The following PTPRM variants were observed in gnomAD, a reference collection of about 807,000 sequenced individuals.
PTPRM encodes receptor-type tyrosine-protein phosphatase mu.
In PTPRM, 47 loss-of-function variants were observed where a neutral mutation model predicts 186.7. The ratio of observed to expected loss-of-function variants is 0.25; its 90% CI spans 0.20 to 0.32. The LOEUF (loss-of-function observed/expected upper bound fraction) is 0.32, where lower values mean the gene tolerates loss of function less well. Among genes scored for constraint, PTPRM ranks in the 10% least tolerant of loss-of-function variants. The pLI, the probability that PTPRM is intolerant of heterozygous loss-of-function variation, is 1.00. For synonymous variants in PTPRM, 668 were observed against 674.9 expected (o/e 0.99, Z 0.16); for missense variants, 1,494 against 1,865.0 (o/e 0.80, Z 3.66).
intron 1 of PTPRM, among the ~76,000 whole-genome samples, chr18:7,770,831 T>TG (rs142360033): frequency 0.093 from 14,201 of 152,172 alleles, 1,992 homozygotes; most frequent in African/African-American, 0.3. Flanking sequence ...TTTGTTATTT[T>TG]GGGGGGGTCC....
intron 1 of PTPRM, among the ~76,000 whole-genome samples, chr18:7,579,746 A>G (rs1349964280): frequency 6.6e-6 from 1 of 152,202 alleles, no homozygotes; most frequent in African/African-American, 2.4e-5. Flanking sequence ...TTCAGGGAAG[A>G]TCATGAGACA....
chr18:7,741,343 G>A (rs1398212582), intron 1 of PTPRM: 1 of 152,150 alleles, frequency 6.6e-6, no homozygotes. Context: ...GGTGACATGC[G>A]TTTTCATTGA....
At chr18:8,083,042 G>C (rs2090224527) in intron 9 of PTPRM, among the ~76,000 whole-genome samples, 1 of 151,648 alleles carries the variant, frequency 6.6e-6, no homozygotes, top group Non-Finnish European at 1.5e-5. Flanking sequence ...ATCTCTTGCT[G>C]TCTGTACCAG....
rs147935491 is a variant in PTPRM at position 7,634,825 on chromosome 18, T to C, written c.73+66934T>C. ...TCATATTTCAAATGATCTCAATTAG[T>C]GTAGAAAGCTTTTATTATTTCCTCT... is the stretch of plus-strand genomic sequence containing the variant. On this transcript the variant is annotated intron_variant, in intron 1 of 32. Coordinates refer to ENST00000580170, the MANE Select transcript of PTPRM (RefSeq NM_001105244.2). Among the ~76,000 whole-genome samples the C allele has an allele frequency of 7.9e-5, 12 of 152,298 alleles. No homozygotes were observed. The East Asian group carries it at 2.3e-3, about 29-fold the overall frequency.
intron 2 of PTPRM, among the ~76,000 whole-genome samples, chr18:7,835,541 T>C (rs958415684): frequency 6.6e-6 from 1 of 152,134 alleles, no homozygotes; most frequent in African/African-American, 2.4e-5. Flanking sequence ...AGGAAAAGAA[T>C]GTGTATTCTG....
At chr18:7,787,986 G>C (rs548775677) in intron 2 of PTPRM, among the ~76,000 whole-genome samples, 10 of 152,180 alleles carry the variant, frequency 6.6e-5, no homozygotes, top group Admixed American at 1.3e-4. Flanking sequence ...CATGAAAATA[G>C]TTTTGACCTT....
At chr18:8,335,702 C>T (rs2095435124) in intron 22 of PTPRM, among the ~76,000 whole-genome samples, 1 of 152,162 alleles carries the variant, frequency 6.6e-6, no homozygotes, top group African/African-American at 2.4e-5. Context: ...TTTGGCTCTC[C>T]TCGAAAGCAT....
intron 1 of PTPRM, among the ~76,000 whole-genome samples, chr18:7,726,395 A>G (rs1463043187): frequency 1.3e-5 from 2 of 152,194 alleles, no homozygotes; most frequent in Non-Finnish European, 2.9e-5. Flanking sequence ...AAAGTCGCTT[A>G]TCAGATAATA....
chr18:8,330,236 A>G (rs1204830952), intron 22 of PTPRM, among the ~76,000 whole-genome samples: 1 of 152,170 alleles, frequency 6.6e-6, no homozygotes, highest in Admixed American at 6.5e-5. Flanking sequence ...CCATGGGCAC[A>G]GTTTAGGACC....
Position 7,937,044 on chromosome 18 carries a change from G to A in PTPRM, c.663+10361G>A, listed in dbSNP as rs561817470. On this transcript the variant is annotated intron_variant, in intron 5 of 32. Transcript: ENST00000580170. ...GCTGACCACTATGGGTTTCCTTTGC[G>A]CTATTCTGTCATTCAGTAAAGCTCC... Among the ~76,000 whole-genome samples the A allele has an allele frequency of 3.0e-4, 45 of 152,224 alleles. No homozygotes were observed. In the East Asian group the frequency reaches 6.4e-3, roughly 22 times the overall value.
At chr18:7,637,388 T>A (rs1224496326) in intron 1 of PTPRM, among the ~76,000 whole-genome samples, 1 of 152,158 alleles carries the variant, frequency 6.6e-6, no homozygotes, top group African/African-American at 2.4e-5. Flanking sequence ...CATAATTGCA[T>A]GTTATGATAT....
chr18:7,948,035 A>G (rs2147037497), intron 5 of PTPRM, among the ~76,000 whole-genome samples: 1 of 152,046 alleles, frequency 6.6e-6, no homozygotes, highest in East Asian at 1.9e-4. Flanking sequence ...CGCTTGGCAT[A>G]ATGATCATGT....
At chr18:7,656,401 C>A (rs1446322297) in intron 1 of PTPRM, among the ~76,000 whole-genome samples, 3 of 151,910 alleles carry the variant, frequency 2.0e-5, no homozygotes, top group Non-Finnish European at 2.9e-5. Context: ...ATTGTGGTTC[C>A]CCGGGGTGAG....
intron 14 of PTPRM, among the ~76,000 whole-genome samples, chr18:8,205,778 A>C (rs797017290): frequency 2.6e-5 from 4 of 152,194 alleles, no homozygotes; most frequent in South Asian, 2.1e-4. Flanking sequence ...ATCTAGTTGC[A>C]TAATGAATTT....
intron 1 of PTPRM, among the ~76,000 whole-genome samples, chr18:7,679,740 G>T (rs958821112): frequency 1.3e-5 from 2 of 152,080 alleles, no homozygotes; most frequent in Admixed American, 6.5e-5. Context: ...AATTTGTATA[G>T]TCATAGTTTT....
intron 2 of PTPRM, among the ~76,000 whole-genome samples, chr18:7,831,991 TG>T (rs1370595195): frequency 6.6e-6 from 1 of 152,216 alleles, no homozygotes; most frequent in Non-Finnish European, 1.5e-5. Context: ...TACTCCATTG[TG>T]TATAAGTACC....
In PTPRM at chr18:8,319,081, G is replaced by A. The variant is rs564088157; in HGVS notation, c.2920-97G>A. On this transcript the variant is annotated intron_variant, in intron 21 of 32. Coordinates refer to ENST00000580170, the MANE Select transcript of PTPRM (RefSeq NM_001105244.2). ...ACTTTCAGGTGATGCAGCTATTGGC[G>A]TTTGTGTGCACATTCCTTTCAGCAA... 1.1e-4 allele frequency: 86 copies of A among 808,736 alleles called. 1 individual carries two copies. In the South Asian group the frequency reaches 1.2e-3, roughly 12 times the overall value. 50.1% of individuals were successfully genotyped at this position (808,736 alleles called of 1,614,324 possible). A position where few individuals can be genotyped will look rare whatever the true frequency, so the allele number is the denominator to read the frequency against.
chr18:7,939,082 C>T (rs2052005888), intron 5 of PTPRM, among the ~76,000 whole-genome samples: 1 of 152,042 alleles, frequency 6.6e-6, no homozygotes, highest in Admixed American at 6.5e-5. Flanking sequence ...ATTTAGCTTG[C>T]ATAAGATATT....
At chr18:7,832,467 TTAGA>T (rs60026683) in intron 2 of PTPRM, among the ~76,000 whole-genome samples, 78,866 of 151,598 alleles carry the variant, frequency 0.52, 22,369 homozygotes, top group East Asian at 0.8. Flanking sequence ...ATTTTACTTA[TTAGA>T]TATTTTTCCT....
Sources: allele counts gnomAD v4.1 joint callset (sites outside exome capture counted in the v4.1 genomes callset), GRCh38; gene constraint gnomAD v4.1.1; transcripts MANE v1.5; gene names NCBI Gene and HGNC (gene_info 2026-07-23, HGNC 2026-07-21).